Variants in CHKA observed in about 807,000 individuals in gnomAD.
The protein encoded by CHKA is choline kinase alpha.
In CHKA, 34 loss-of-function variants were observed where a neutral mutation model predicts 60.1. The ratio of observed to expected loss-of-function variants is 0.57; its 90% confidence interval spans 0.43 to 0.75. The LOEUF is 0.75. Among genes scored for constraint, CHKA ranks in the 30% least tolerant of loss-of-function variants. The pLI is 0.00. For synonymous variants in CHKA, 217 were observed against 223.1 expected, an observed-to-expected ratio of 0.97 and a Z score of 0.24; for missense variants, 563 against 561.3, an observed-to-expected ratio of 1.00 and a Z score of -0.03.
chr11:68,114,139 A>G (rs548892927), intron 1 of CHKA, among the ~76,000 whole-genome samples: 1 of 152,358 alleles, frequency 6.6e-6, no homozygotes, highest in South Asian at 2.1e-4. Context: ...GCAAAATGTT[A>G]CAGCTACTCT....
chr11:68,057,775 A>C (rs889036395), intron 11 of CHKA, among the ~76,000 whole-genome samples: 3 of 152,170 alleles, frequency 2.0e-5, no homozygotes, highest in Admixed American at 6.5e-5. Context: ...TTCTTGCATC[A>C]TTTTTTGAAA....
intron 1 of CHKA, among the ~76,000 whole-genome samples, chr11:68,112,417 C>T (rs1300564608): frequency 1.3e-5 from 2 of 152,078 alleles, no homozygotes; most frequent in South Asian, 2.1e-4. Context: ...ACGACTACAC[C>T]AGACTAATTT....
At chr11:68,102,691 A>T (rs899772061) in intron 1 of CHKA, among the ~76,000 whole-genome samples, 1 of 152,214 alleles carries the variant, frequency 6.6e-6, no homozygotes, top group Non-Finnish European at 1.5e-5. Context: ...CACAAACAAA[A>T]ATAAACAAAT....
At chr11:68,074,580 G>T (rs772283817) in intron 4 of CHKA, 137 bp downstream of exon 4, 12 of 729,062 alleles carry the variant, frequency 1.6e-5, no homozygotes, top group African/African-American at 3.5e-5. Context: ...TGCTTTTCAT[G>T]ATTTCTGATA....
At chr11:68,108,601 T>A (rs925564881) in intron 1 of CHKA, among the ~76,000 whole-genome samples, 10 of 151,824 alleles carry the variant, frequency 6.6e-5, no homozygotes, top group Admixed American at 2.0e-4. Context: ...AAAATTAGCC[T>A]GGCGTGGTGG....
rs185874989 is a variant in CHKA, at chr11:68,095,319, C to G, written c.462+1700G>C. On this transcript the variant is annotated intron_variant, in intron 2 of 11. Coordinates refer to ENST00000265689, the MANE Select transcript of CHKA (RefSeq NM_001277.3). ...TTGAAAGGCTGAGGCAGGAGAATGG[C>G]GTGAACCCAGGAGGCGCAGCTTGCA... is the stretch of plus-strand genomic sequence containing the variant. Among the ~76,000 whole-genome samples, 5 of 134,398 alleles carry G rather than the reference C, an allele frequency of 3.7e-5. No individual in the cohort carries two copies. In the East Asian group the frequency reaches 1.2e-3, roughly 33 times the overall value. 88.2% of individuals were successfully genotyped at this position (134,398 alleles called of 152,430 possible).
chr11:68,100,066 A>G (rs1329703286), intron 1 of CHKA, among the ~76,000 whole-genome samples: 1 of 152,228 alleles, frequency 6.6e-6, no homozygotes, highest in Admixed American at 6.5e-5. Flanking sequence ...ATTTACCTAG[A>G]AAAAAAGCCA....
In CHKA at chr11:68,061,999, C is replaced by G; in HGVS notation, c.1268G>C (p.Trp423Ser). 6.3e-7 allele frequency: 1 copy of G among 1,599,026 alleles called. No individual in the cohort carries two copies. The highest frequency in any genetic ancestry group is 8.5e-7 in the Non-Finnish European group (1 of 1,172,508). The part of the protein sequence containing the change: ...ALASHFLWGL[W>S]SIVQAKISSI... Reference sequence around the variant, plus strand: ...TGAAATCTTGGCTTGTACAATGGACCACAGTCCCCAGAGGAAATGAGATGC... The same window carrying G: ...TGAAATCTTGGCTTGTACAATGGACGACAGTCCCCAGAGGAAATGAGATGC... The change falls in exon 11 of 12, where the codon TGG (tryptophan) becomes TCG (serine). Residue 423 changes from tryptophan (W) to serine (S), a missense_variant. Trp to Ser is a radical substitution (Grantham distance 177). Transcript: ENST00000265689.
chr11:68,110,776 T>A (rs1858102918), intron 1 of CHKA, among the ~76,000 whole-genome samples: 2 of 152,000 alleles, frequency 1.3e-5, no homozygotes, highest in Admixed American at 1.3e-4. Context: ...GGTGGGCAGA[T>A]CACTTATGGT....
At chr11:68,095,230 T>C (rs1217069005) in intron 2 of CHKA, among the ~76,000 whole-genome samples, 10 of 142,544 alleles carry the variant, frequency 7.0e-5, no homozygotes, top group East Asian at 2.1e-4. Flanking sequence ...TGGTGAAACC[T>C]CATCTCTACT....
chr11:68,111,557 C>A (rs1365811092), intron 1 of CHKA, among the ~76,000 whole-genome samples: 1 of 151,792 alleles, frequency 6.6e-6, no homozygotes, highest in African/African-American at 2.4e-5. Flanking sequence ...CCAGCCAAGA[C>A]ACTATCTCAA....
chr11:68,108,482 C>T (rs1365924262), intron 1 of CHKA, among the ~76,000 whole-genome samples: 15 of 152,350 alleles, frequency 9.8e-5, no homozygotes, highest in African/African-American at 2.6e-4. Context: ...CAGAGGCTCA[C>T]GCCTGTAATC....
intron 10 of CHKA, 91 bp downstream of exon 10, chr11:68,064,434 T>C: frequency 1.6e-6 from 1 of 612,090 alleles, no homozygotes; most frequent in Non-Finnish European, 2.8e-6. Flanking sequence ...GAAGAAGCTC[T>C]AAAATACTCC....
At chr11:68,102,679 A>G (rs1210544973) in intron 1 of CHKA, among the ~76,000 whole-genome samples, 1 of 152,212 alleles carries the variant, frequency 6.6e-6, no homozygotes, top group Admixed American at 6.5e-5. Flanking sequence ...AAGCACAGGC[A>G]ACACAAACAA....
At position 68,070,737 on chromosome 11, in the gene CHKA, CA is replaced by C; in HGVS notation, c.750del (p.Phe250LeufsTer8). 6.2e-7 allele frequency: 1 copy of C among 1,610,252 alleles called. No individual in the cohort carries two copies. The highest frequency in any genetic ancestry group is 8.5e-7 in the Non-Finnish European group (1 of 1,176,808). On this transcript the variant is annotated frameshift_variant, in exon 5 of 12. Transcript: ENST00000265689. LOFTEE classifies it high-confidence loss of function. ...TTGACCACTTACTTTTCCATTGTGC[CA>C]AAAAGCCATTTTGGTTCCTTATTGA... is the stretch of plus-strand genomic sequence containing the variant. ...MPFNKEPKWL[F>X]GTMEKYLKEV...
intron 3 of CHKA, among the ~76,000 whole-genome samples, chr11:68,079,366 G>C (rs1043486626): frequency 1.2e-4 from 17 of 147,054 alleles, no homozygotes; most frequent in Non-Finnish European, 2.3e-4. Context: ...GTTTCGCACT[G>C]TCGCCCAGGC....
intron 1 of CHKA, among the ~76,000 whole-genome samples, chr11:68,103,050 TG>T (rs1230378723): frequency 2.0e-5 from 3 of 152,180 alleles, no homozygotes; most frequent in African/African-American, 4.8e-5. Flanking sequence ...ATAGGAGGAT[TG>T]TTTGAGCCTA....
rs759201546 is a variant in CHKA at position 68,070,287 on chromosome 11, T to C, written c.771A>G (p.Leu257=). The part of the protein sequence containing the change: ...KWLFGTMEKY[L]KEVLRIKFTE... ...TAAATTTAATTCTCAGCACTTCCTTTAGATACCTATTAAAAAATTTTCAAA... is the reference window on the plus strand; with the variant it reads ...TAAATTTAATTCTCAGCACTTCCTTCAGATACCTATTAAAAAATTTTCAAA... Residue 257 remains leucine, a synonymous_variant, in exon 6 of 12, where the codon CTA becomes CTG. Coordinates refer to ENST00000265689, the MANE Select transcript of CHKA (RefSeq NM_001277.3). The C allele has an allele frequency of 1.2e-6, 2 of 1,604,614 alleles. No homozygotes were observed. Among genetic ancestry groups the C allele is most frequent in the Non-Finnish European group, 1.7e-6 (2 of 1,172,190 alleles).
intron 1 of CHKA, among the ~76,000 whole-genome samples, chr11:68,101,966 G>C (rs995391978): frequency 1.1e-4 from 16 of 152,006 alleles, no homozygotes; most frequent in Admixed American, 9.8e-4. Context: ...TGGGCATGGT[G>C]GTGGGCGCCT....
Sources: allele counts gnomAD v4.1 joint callset (sites outside exome capture counted in the v4.1 genomes callset), GRCh38; gene constraint gnomAD v4.1.1; transcripts MANE v1.5; gene names NCBI Gene and HGNC (gene_info 2026-07-23, HGNC 2026-07-21).